Variants in EVL observed in about 807,000 individuals in gnomAD.
EVL encodes Enah/Vasp-like.
EVL carries 21 observed loss-of-function variants against 59.6 expected under a neutral mutation model. The ratio of observed to expected loss-of-function variants is 0.35; its 90% confidence interval spans 0.25 to 0.51. The LOEUF (loss-of-function observed/expected upper bound fraction) is 0.51. EVL is among the 20% of genes least tolerant of loss of function. The probability of loss-of-function intolerance (pLI) is 0.97; values close to 1 mark genes in which losing one functional copy is unlikely to be tolerated. For missense variants in EVL, 462 were observed against 546.6 expected, an observed-to-expected ratio of 0.85 and a Z score of 1.54; for synonymous variants, 198 against 203.5, an observed-to-expected ratio of 0.97 and a Z score of 0.23.
Position 100,050,745 on chromosome 14 carries a change from A to ATT in EVL, c.6-33928_6-33927dup, listed in dbSNP as rs11420567. Among the ~76,000 whole-genome samples, 207 of 135,054 alleles carry ATT rather than the reference A, an allele frequency of 1.5e-3. 2 individuals are homozygous for ATT. The highest frequency in any genetic ancestry group is 1.9e-3 in the Non-Finnish European group (122 of 64,388). The allele number at this position is 135,054 out of a possible 152,430, so 88.6% of individuals were successfully genotyped here. On this transcript the variant is annotated intron_variant, in intron 1 of 13. Transcript: ENST00000402714. ...TATATTACTTGTGTATGAGCTCATGATTTTTTTTTTTTTTTGAGATTGGGT... is the reference window on the plus strand; with the variant it reads ...TATATTACTTGTGTATGAGCTCATGATTTTTTTTTTTTTTTTTGAGATTGGGT...
At chr14:100,043,100 GAAC>G (rs2061490815) in intron 1 of EVL, among the ~76,000 whole-genome samples, 1 of 152,006 alleles carries the variant, frequency 6.6e-6, no homozygotes, top group East Asian at 1.9e-4. Flanking sequence ...GTTCACCATG[GAAC>G]AACATGGCAT....
intron 1 of EVL, among the ~76,000 whole-genome samples, chr14:99,988,764 A>G (rs1409804519): frequency 2.6e-5 from 4 of 152,250 alleles, no homozygotes. Flanking sequence ...CTGATATAAC[A>G]TGGATGAACA....
chr14:99,997,050 C>T (rs925296242), intron 1 of EVL, among the ~76,000 whole-genome samples: 2 of 152,188 alleles, frequency 1.3e-5, no homozygotes, highest in African/African-American at 4.8e-5. Context: ...GCTTGAGAGT[C>T]ACGGTACTGA....
chr14:100,004,351 G>T (rs559986195), intron 1 of EVL, among the ~76,000 whole-genome samples: 2 of 152,258 alleles, frequency 1.3e-5, no homozygotes, highest in Middle Eastern at 3.4e-3. Context: ...AGAGAAAACC[G>T]AAAATGGCAA....
chr14:100,029,448 G>T (rs900252895), intron 1 of EVL, among the ~76,000 whole-genome samples: 3 of 152,206 alleles, frequency 2.0e-5, no homozygotes, highest in African/African-American at 7.2e-5. Flanking sequence ...AGTAGAAAAT[G>T]TAAATATGTG....
chr14:100,007,701 C>T (rs2060991921), intron 1 of EVL, among the ~76,000 whole-genome samples: 1 of 152,106 alleles, frequency 6.6e-6, no homozygotes, highest in Admixed American at 6.6e-5. Flanking sequence ...CGGGGAGGTA[C>T]AGCTTCACAG....
At chr14:100,075,773 G>A (rs1431398930) in intron 1 of EVL, among the ~76,000 whole-genome samples, 1 of 152,176 alleles carries the variant, frequency 6.6e-6, no homozygotes, top group Non-Finnish European at 1.5e-5. Flanking sequence ...TACCTACTGA[G>A]CGTAAGGAAT....
At chr14:100,094,029 G>A (rs1264401621) in intron 2 of EVL, among the ~76,000 whole-genome samples, 1 of 152,060 alleles carries the variant, frequency 6.6e-6, no homozygotes, top group Non-Finnish European at 1.5e-5. Flanking sequence ...AAAAAACATA[G>A]TCTATATAGG....
At chr14:100,096,635 C>T (rs1050901397) in intron 2 of EVL, among the ~76,000 whole-genome samples, 1 of 152,222 alleles carries the variant, frequency 6.6e-6, no homozygotes, top group Non-Finnish European at 1.5e-5. Context: ...AATGAGGGCT[C>T]CAGCCCCAGC....
chr14:100,128,963 A>C (rs1430482639), intron 6 of EVL, among the ~76,000 whole-genome samples: 1 of 152,220 alleles, frequency 6.6e-6, no homozygotes, highest in African/African-American at 2.4e-5. Flanking sequence ...GTTGACCTTC[A>C]CACGTGGGGC....
At chr14:100,071,894 A>G (rs1273914670) in intron 1 of EVL, among the ~76,000 whole-genome samples, 1 of 152,104 alleles carries the variant, frequency 6.6e-6, no homozygotes, top group African/African-American at 2.4e-5. Context: ...TTCACAATAA[A>G]CATTTTAAGT....
chr14:100,123,474 C>T, intron 3 of EVL, 65 bp from the exon 4 acceptor site: 1 of 1,541,614 alleles, frequency 6.5e-7, no homozygotes, highest in Non-Finnish European at 8.9e-7. Context: ...AGAGAGCACT[C>T]CAGTTGGGTT....
At chr14:100,087,754 G>T (rs1350869194) in intron 2 of EVL, among the ~76,000 whole-genome samples, 2 of 149,858 alleles carry the variant, frequency 1.3e-5, no homozygotes, top group Non-Finnish European at 3.0e-5. Flanking sequence ...CAGAAGAAGG[G>T]AGACTGCAGT....
At chr14:100,129,428 T>C (rs2064700255) in intron 6 of EVL, 135 bp from the exon 7 acceptor site, 4 of 1,261,536 alleles carry the variant, frequency 3.2e-6, no homozygotes, top group Non-Finnish European at 4.4e-6. Context: ...ATGGACCAGA[T>C]GGCCCCTGAG....
At chr14:100,080,352 A>G (rs1271599312) in intron 1 of EVL, among the ~76,000 whole-genome samples, 1 of 152,190 alleles carries the variant, frequency 6.6e-6, no homozygotes, top group African/African-American at 2.4e-5. Flanking sequence ...TTAACTGCTG[A>G]AGCAGCGACA....
At chr14:100,079,558 T>C (rs1274038371) in intron 1 of EVL, among the ~76,000 whole-genome samples, 2 of 152,156 alleles carry the variant, frequency 1.3e-5, no homozygotes, top group African/African-American at 4.8e-5. Context: ...GGAGCCAGCC[T>C]CTCTCTGGAC....
intron 1 of EVL, among the ~76,000 whole-genome samples, chr14:99,982,546 A>G (rs1369964182): frequency 6.6e-6 from 1 of 152,176 alleles, no homozygotes; most frequent in Non-Finnish European, 1.5e-5. Flanking sequence ...TTGGAAAGGA[A>G]TCAGGAGAGA....
intron 11 of EVL, chr14:100,140,784 G>A: frequency 6.0e-6 from 1 of 165,724 alleles, no homozygotes; most frequent in South Asian, 1.7e-4. Context: ...GCTTCCCCGA[G>A]CCCCAAGCTC....
chr14:99,971,463 C>A (rs2140162611), exon 1 of EVL: 1 of 151,976 alleles, frequency 6.6e-6, no homozygotes, highest in African/African-American at 2.4e-5. Flanking sequence ...GGGCCCCGCG[C>A]CTTTTGTGTC....
Sources: gnomAD v4.1 joint callset for allele counts (sites outside exome capture counted in the v4.1 genomes callset) on GRCh38, gnomAD v4.1.1 for gene constraint, MANE v1.5 for transcripts, NCBI Gene and HGNC (gene_info 2026-07-23, HGNC 2026-07-21) for gene names.